The following CYTIP variants were observed in gnomAD, a reference collection of about 807,000 sequenced individuals.
CYTIP encodes the protein cytohesin 1 interacting protein, also known as cytohesin-interacting protein.
CYTIP carries 26 observed loss-of-function variants against 43.8 expected under a neutral mutation model. The observed-to-expected ratio is 0.59, with a 90% CI of 0.44 to 0.82. CYTIP has a LOEUF of 0.82. Ranked by LOEUF, CYTIP falls within the 40% of genes least tolerant of loss-of-function variation. The pLI is 0.00. For missense variants in CYTIP, 426 were observed against 443.1 expected (o/e 0.96, Z 0.35); for synonymous variants, 162 against 162.9 (o/e 0.99, Z 0.04).
At chr2:157,427,504 G>T in intron 5 of CYTIP, 84 bp from the exon 6 acceptor site, 1 of 960,702 alleles carries the variant, frequency 1.0e-6, no homozygotes, top group Non-Finnish European at 1.5e-6. Flanking sequence ...ATACTACAGA[G>T]TACTACACTT....
intron 6 of CYTIP, among the ~76,000 whole-genome samples, chr2:157,425,385 G>T (rs1685587699): frequency 6.6e-6 from 1 of 152,112 alleles, no homozygotes; most frequent in Non-Finnish European, 1.5e-5. Flanking sequence ...GAACAAGTTG[G>T]TGTATTTCTT....
intron 5 of CYTIP, among the ~76,000 whole-genome samples, chr2:157,429,811 C>T (rs1057145631): frequency 6.6e-6 from 1 of 151,844 alleles, no homozygotes; most frequent in Non-Finnish European, 1.5e-5. Flanking sequence ...ATCATGAGGT[C>T]AGGAGATTGA....
At chr2:157,422,307 T>C (rs1289044738) in intron 6 of CYTIP, among the ~76,000 whole-genome samples, 2 of 152,204 alleles carry the variant, frequency 1.3e-5, no homozygotes, top group Admixed American at 6.5e-5. Flanking sequence ...CACAGATGTT[T>C]AATGATAAAA....
chr2:157,427,215 C>T (rs1456741111), intron 6 of CYTIP, 136 bp downstream of exon 6: 3 of 686,666 alleles, frequency 4.4e-6, no homozygotes, highest in Admixed American at 3.0e-5. Flanking sequence ...TTGTGCGGCT[C>T]TTGATAATTC....
At chr2:157,432,647 T>A (rs1197969765) in intron 3 of CYTIP, among the ~76,000 whole-genome samples, 1 of 152,160 alleles carries the variant, frequency 6.6e-6, no homozygotes, top group East Asian at 1.9e-4. Context: ...ATAAGCAGCA[T>A]AAAACTAGCT....
At chr2:157,432,479 G>C (rs1685727937) in intron 3 of CYTIP, among the ~76,000 whole-genome samples, 1 of 152,126 alleles carries the variant, frequency 6.6e-6, no homozygotes, top group Non-Finnish European at 1.5e-5. Flanking sequence ...TCTAACACCT[G>C]TCATTTGTGG....
At chr2:157,429,592 G>GT (rs1341608358) in intron 5 of CYTIP, among the ~76,000 whole-genome samples, 1 of 152,132 alleles carries the variant, frequency 6.6e-6, no homozygotes, top group Non-Finnish European at 1.5e-5. Context: ...TGGAAACATA[G>GT]TATTTGCTCA....
At chr2:157,436,229 A>AC (rs1685805245) in intron 1 of CYTIP, among the ~76,000 whole-genome samples, 1 of 152,198 alleles carries the variant, frequency 6.6e-6, no homozygotes, top group African/African-American at 2.4e-5. Context: ...GAATGCCTAC[A>AC]AGGATTGGTA....
intron 5 of CYTIP, among the ~76,000 whole-genome samples, chr2:157,427,984 A>G (rs1486322969): frequency 6.6e-6 from 1 of 152,234 alleles, no homozygotes; most frequent in East Asian, 1.9e-4. Flanking sequence ...ACTAGAAGAA[A>G]CAGAAGTACA....
intron 6 of CYTIP, among the ~76,000 whole-genome samples, chr2:157,420,358 A>T (rs1222433761): frequency 6.6e-6 from 1 of 152,126 alleles, no homozygotes; most frequent in African/African-American, 2.4e-5. Context: ...TCTACTAAAA[A>T]TACAAAAATT....
Position 157,434,413 on chromosome 2 carries a change from G to C in CYTIP, c.236C>G (p.Thr79Ser). 7 of 1,611,568 alleles carry C rather than the reference G, an allele frequency of 4.3e-6. No homozygotes were observed. Among genetic ancestry groups the C allele is most frequent in the Non-Finnish European group, 5.9e-6 (7 of 1,178,606 alleles). ...TGTTTCATTATCCTGCTTCTCCACA[G>C]TAACAAGCTTTCTGTAATAAAAATG... ...DFSWSQRKLV[T>S]VEKQDNETFG... is the part of the protein sequence containing the mutation. Residue 79 changes from threonine (T) to serine (S), a missense_variant, in exon 3 of 8, where the codon ACT becomes AGT. Physicochemically the swap from Thr to Ser is moderately conservative, Grantham distance 58. Coordinates refer to ENST00000264192, the MANE Select transcript of CYTIP (RefSeq NM_004288.5).
In CYTIP at chr2:157,418,881, T is replaced by A. The variant is rs573488713; in HGVS notation, c.547-292A>T. On this transcript the variant is annotated intron_variant, in intron 6 of 7. Transcript: ENST00000264192. ...ATTATTTTAATAAGATTATTTGGGT[T>A]TGTGAAAACGTACTTGCTGTTTAGG... 2.6e-5 allele frequency among the ~76,000 whole-genome samples: 4 copies of A among 152,300 alleles called. No homozygotes were observed. The East Asian group carries it at 7.7e-4, about 29-fold the overall frequency.
At chr2:157,433,230 G>A (rs936735379) in intron 3 of CYTIP, among the ~76,000 whole-genome samples, 2 of 152,114 alleles carry the variant, frequency 1.3e-5, no homozygotes, top group African/African-American at 4.8e-5. Flanking sequence ...TCATATGACC[G>A]GGGAGTAAGA....
intron 6 of CYTIP, among the ~76,000 whole-genome samples, chr2:157,420,567 C>G (rs1685506623): frequency 6.9e-6 from 1 of 145,320 alleles, no homozygotes; most frequent in Admixed American, 7.2e-5. Context: ...AGAAGGATCA[C>G]TTAAGCCTGG....
At chr2:157,417,107 G>A (rs1383026563) in intron 7 of CYTIP, among the ~76,000 whole-genome samples, 9 of 152,136 alleles carry the variant, frequency 5.9e-5, no homozygotes, top group Admixed American at 5.9e-4. Context: ...ATTTTGTACT[G>A]ATTATCTCCA....
chr2:157,424,617 G>C (rs1370111231), intron 6 of CYTIP, among the ~76,000 whole-genome samples: 1 of 152,138 alleles, frequency 6.6e-6, no homozygotes, highest in Non-Finnish European at 1.5e-5. Context: ...CTTGAGCCCA[G>C]AGTTTGAGAC....
At position 157,443,917 on chromosome 2, in the gene CYTIP, G is replaced by GT. The variant is rs1553473418; in HGVS notation, c.103dup (p.Thr35AsnfsTer5). The GT allele has an allele frequency of 4.3e-6, 7 of 1,614,014 alleles. No homozygotes were observed. In the African/African-American group the frequency reaches 6.7e-5, roughly 15 times the overall value. On this transcript the variant is annotated frameshift_variant, in exon 1 of 8. Transcript: ENST00000264192. LOFTEE classifies it high-confidence loss of function. Reference sequence around the variant, plus strand: ...TTGAATCCTTCTATTATCGTCCATCGTAAGGCTGCCGGTGAGTGTGGAGTA... The same window carrying GT: ...TTGAATCCTTCTATTATCGTCCATCGTTAAGGCTGCCGGTGAGTGTGGAGTA...
intron 3 of CYTIP, among the ~76,000 whole-genome samples, chr2:157,433,872 A>T (rs910651702): frequency 5.3e-5 from 8 of 152,202 alleles, no homozygotes; most frequent in African/African-American, 1.9e-4. Context: ...CTCATTATGT[A>T]CAATATGAAC....
Position 157,429,533 on chromosome 2 carries a change from C to T in CYTIP, c.476+1026G>A, listed in dbSNP as rs191558736. ...AGCCATTTCCTTCCATAACTATTAA[C>T]GTACTAAGAGAGTCTTTATCTTCGT... On this transcript the variant is annotated intron_variant, in intron 5 of 7. Transcript: ENST00000264192. Among the ~76,000 whole-genome samples the T allele has an allele frequency of 5.5e-3, 843 of 152,286 alleles. 8 individuals are homozygous for T. Among genetic ancestry groups the T allele is most frequent in the South Asian group, 0.017 (84 of 4,826 alleles).
Sources: gnomAD v4.1 joint callset for allele counts (sites outside exome capture counted in the v4.1 genomes callset) on GRCh38, gnomAD v4.1.1 for gene constraint, MANE v1.5 for transcripts, NCBI Gene and HGNC (gene_info 2026-07-23, HGNC 2026-07-21) for gene names.